Variants in PTGER3 observed in about 807,000 individuals in gnomAD.
The protein encoded by PTGER3 is prostaglandin E receptor 3.
A neutral mutation model predicts 34.7 loss-of-function variants in PTGER3; 22 were observed. The ratio of observed to expected loss-of-function variants is 0.63; its 90% confidence interval spans 0.45 to 0.91. The LOEUF (loss-of-function observed/expected upper bound fraction) is 0.91, where lower values mean the gene tolerates loss of function less well. Ranked by LOEUF, PTGER3 falls within the 40% of genes least tolerant of loss-of-function variation. The pLI is 0.00. For synonymous variants in PTGER3, 241 were observed against 230.1 expected, an observed-to-expected ratio of 1.05 and a Z score of -0.43; for missense variants, 468 against 519.4, an observed-to-expected ratio of 0.90 and a Z score of 0.96.
At chr1:70,857,530 C>CTTATTTAT (rs148069112) in intron 4 of PTGER3, among the ~76,000 whole-genome samples, 4 of 151,274 alleles carry the variant, frequency 2.6e-5, no homozygotes, top group African/African-American at 7.3e-5. Flanking sequence ...GGATTTCACT[C>CTTATTTAT]TTATTTATTT....
intron 2 of PTGER3, among the ~76,000 whole-genome samples, chr1:70,955,046 T>C (rs528939346): frequency 3.3e-5 from 5 of 152,172 alleles, no homozygotes; most frequent in Non-Finnish European, 7.4e-5. Context: ...TATTTTCTTA[T>C]GGCTAACATA....
At chr1:70,893,494 A>C (rs1050940584) in intron 4 of PTGER3, among the ~76,000 whole-genome samples, 3 of 152,186 alleles carry the variant, frequency 2.0e-5, no homozygotes, top group Non-Finnish European at 4.4e-5. Flanking sequence ...TGAGGAGCTG[A>C]GGAGGCTACA....
intron 2 of PTGER3, among the ~76,000 whole-genome samples, chr1:71,001,373 CA>C (rs1656471753): frequency 6.6e-6 from 1 of 151,984 alleles, no homozygotes; most frequent in African/African-American, 2.4e-5. Context: ...TAGGATTTAG[CA>C]GTTAGGATGA....
chr1:70,881,904 C>T (rs1014297874), intron 4 of PTGER3, among the ~76,000 whole-genome samples: 1 of 152,230 alleles, frequency 6.6e-6, no homozygotes, highest in Admixed American at 6.5e-5. Flanking sequence ...GAGCTGGAAG[C>T]TCTAGCAGAT....
intron 4 of PTGER3, among the ~76,000 whole-genome samples, chr1:70,897,922 C>A (rs1398854119): frequency 1.3e-5 from 2 of 152,092 alleles, no homozygotes; most frequent in Non-Finnish European, 2.9e-5. Flanking sequence ...CTAGTCCCAA[C>A]CTTTCTGCCA....
chr1:70,953,921 G>A, intron 2 of PTGER3: 1 of 480,190 alleles, frequency 2.1e-6, no homozygotes, highest in Non-Finnish European at 3.7e-6. Flanking sequence ...TAGACTAAAA[G>A]TATAGCAAAA....
At chr1:70,857,478 T>C (rs1187695276) in intron 4 of PTGER3, among the ~76,000 whole-genome samples, 1 of 152,092 alleles carries the variant, frequency 6.6e-6, no homozygotes, top group East Asian at 1.9e-4. Flanking sequence ...TTCTTAGTTT[T>C]CTTTTTATTT....
At chr1:70,857,558 CA>C (rs1222505871) in intron 4 of PTGER3, among the ~76,000 whole-genome samples, 4 of 151,360 alleles carry the variant, frequency 2.6e-5, no homozygotes, top group Non-Finnish European at 5.9e-5. Context: ...TATTTAGAGA[CA>C]GAGTCTCACT....
intron 2 of PTGER3, chr1:71,007,227 T>G (rs370583929): frequency 1.0e-6 from 1 of 985,340 alleles, no homozygotes; most frequent in East Asian, 1.1e-4. Flanking sequence ...AGGCACACCA[T>G]GTAAATAGTA....
chr1:71,020,262 A>G (rs1658282183), intron 1 of PTGER3, among the ~76,000 whole-genome samples: 1 of 132,174 alleles, frequency 7.6e-6, no homozygotes, highest in Non-Finnish European at 1.8e-5. Flanking sequence ...GCTCATAAAC[A>G]TTAAAAAAAT....
intron 4 of PTGER3, among the ~76,000 whole-genome samples, chr1:70,890,211 A>G (rs1041355124): frequency 6.6e-6 from 1 of 152,194 alleles, no homozygotes; most frequent in Admixed American, 6.5e-5. Context: ...AACAACTGCC[A>G]TTTATTTAAC....
chr1:70,938,683 G>T (rs978673468), intron 4 of PTGER3, among the ~76,000 whole-genome samples: 6 of 152,046 alleles, frequency 3.9e-5, no homozygotes, highest in Non-Finnish European at 1.5e-5. Context: ...AGAGAAAAAT[G>T]AGGAAGAAAC....
chr1:70,885,828 G>A (rs572911121), intron 4 of PTGER3, among the ~76,000 whole-genome samples: 2 of 152,252 alleles, frequency 1.3e-5, no homozygotes, highest in African/African-American at 4.8e-5. Context: ...AATGGAGAGA[G>A]GAATAATGCC....
chr1:71,022,431 A>T (rs79660813), intron 1 of PTGER3, among the ~76,000 whole-genome samples: 14,120 of 151,956 alleles, frequency 0.093, 959 homozygotes, highest in African/African-American at 0.15. Flanking sequence ...GACATGACAT[A>T]CAAAAGAATC....
intron 4 of PTGER3, among the ~76,000 whole-genome samples, chr1:70,876,523 A>G (rs1182264713): frequency 1.3e-5 from 2 of 152,020 alleles, no homozygotes; most frequent in African/African-American, 4.8e-5. Context: ...TTCATAAACT[A>G]TCTGCCAGAG....
chr1:71,017,131 G>T (rs746183919), intron 1 of PTGER3, among the ~76,000 whole-genome samples: 30 of 151,990 alleles, frequency 2.0e-4, no homozygotes, highest in Non-Finnish European at 4.3e-4. Context: ...TTAAGGTAAA[G>T]GACCCAGACG....
chr1:70,897,877 A>C (rs559140167), intron 4 of PTGER3, among the ~76,000 whole-genome samples: 16 of 152,290 alleles, frequency 1.1e-4, no homozygotes, highest in African/African-American at 3.6e-4. Context: ...AAATATCATC[A>C]GTTCTTCAAA....
intron 1 of PTGER3, among the ~76,000 whole-genome samples, chr1:71,015,414 G>A (rs779032345): frequency 1.1e-4 from 16 of 152,142 alleles, no homozygotes; most frequent in Non-Finnish European, 2.2e-4. Context: ...ACAAAGTATC[G>A]ACATATCTGA....
chr1:70,988,842 CTTA>C (rs2100759749), intron 2 of PTGER3, among the ~76,000 whole-genome samples: 1 of 152,150 alleles, frequency 6.6e-6, no homozygotes, highest in African/African-American at 2.4e-5. Context: ...CAAGAGAAAA[CTTA>C]AAGTAATGTG....
Sources: allele counts gnomAD v4.1 joint callset (sites outside exome capture counted in the v4.1 genomes callset), GRCh38; gene constraint gnomAD v4.1.1; transcripts MANE v1.5; gene names NCBI Gene and HGNC (gene_info 2026-07-23, HGNC 2026-07-21).